Variants in SEPTIN9 observed in about 807,000 individuals in gnomAD.
SEPTIN9 encodes the protein septin 9, also known as septin-9.
SEPTIN9 carries 13 observed loss-of-function variants against 56.6 expected under a neutral mutation model. The ratio of observed to expected loss-of-function variants is 0.23; its 90% CI spans 0.15 to 0.37. The LOEUF (loss-of-function observed/expected upper bound fraction) is 0.37. SEPTIN9 is among the 10% of genes least tolerant of loss of function. SEPTIN9 has a pLI of 1.00. For missense variants in SEPTIN9, 650 were observed against 823.1 expected, an observed-to-expected ratio of 0.79 and a Z score of 2.57; for synonymous variants, 332 against 334.1, an observed-to-expected ratio of 0.99 and a Z score of 0.07.
intron 2 of SEPTIN9, among the ~76,000 whole-genome samples, chr17:77,370,158 G>A (rs753403): frequency 0.19 from 28,246 of 152,184 alleles, 3,210 homozygotes; most frequent in East Asian, 0.61. Context: ...AACAACTGTC[G>A]AAACTGGGTG....
chr17:77,417,872 T>C (rs312909), intron 3 of SEPTIN9, among the ~76,000 whole-genome samples: 56,393 of 151,968 alleles, frequency 0.37, 10,956 homozygotes, highest in African/African-American at 0.42. Context: ...TTGCTCGGGG[T>C]TGGGGCACCT....
chr17:77,291,591 CA>C (rs1444693518), intron 1 of SEPTIN9, among the ~76,000 whole-genome samples: 1 of 151,990 alleles, frequency 6.6e-6, no homozygotes, highest in Non-Finnish European at 1.5e-5. Flanking sequence ...GAGATCGTGC[CA>C]CGGCACTCCA....
chr17:77,489,882 G>A (rs556512048), intron 7 of SEPTIN9, among the ~76,000 whole-genome samples: 9 of 152,298 alleles, frequency 5.9e-5, no homozygotes, highest in African/African-American at 2.2e-4. Flanking sequence ...GCTCACCTGC[G>A]GTCCTGTGGC....
At chr17:77,452,925 TTTAGGCTGAGATGTGGTCAAGGA>T (rs2038041118) in intron 3 of SEPTIN9, among the ~76,000 whole-genome samples, 1 of 150,748 alleles carries the variant, frequency 6.6e-6, no homozygotes, top group Admixed American at 6.7e-5. Flanking sequence ...TTGGGTCTCT[TTTAGGCTGAGATGTGGTCAAGGA>T]AGGCCTGTGG....
At chr17:77,489,301 GC>G (rs1294264407) in intron 7 of SEPTIN9, among the ~76,000 whole-genome samples, 2 of 152,206 alleles carry the variant, frequency 1.3e-5, no homozygotes, top group African/African-American at 4.8e-5. Flanking sequence ...ATCAGTGCTG[GC>G]CCCTTCCAGG....
At chr17:77,300,715 CCCCAGGCTCAAACCGCCCCCA>C (rs2032003249) in intron 1 of SEPTIN9, among the ~76,000 whole-genome samples, 1 of 115,574 alleles carries the variant, frequency 8.7e-6, no homozygotes, top group African/African-American at 3.7e-5. Context: ...ACCGCCCCCA[CCCCAGGCTCAAACCGCCCCCA>C]TCCCAGCTCA....
intron 3 of SEPTIN9, among the ~76,000 whole-genome samples, chr17:77,467,821 G>T (rs1368030005): frequency 1.3e-5 from 2 of 152,234 alleles, no homozygotes; most frequent in Non-Finnish European, 2.9e-5. Context: ...AGAGACGAGG[G>T]GCCGGACGAA....
Position 77,498,762 on chromosome 17 carries a change from C to T in SEPTIN9, c.*104C>T. ...ATTTTATATGATTTTCTCCATTTGT[C>T]ATCGTTCCCCACCCCTTCGACATGC... is the stretch of plus-strand genomic sequence containing the variant. On this transcript the variant is annotated 3_prime_UTR_variant, in exon 12 of 12. Transcript: ENST00000427177. 1 of 652,552 alleles carries T rather than the reference C, an allele frequency of 1.5e-6. No individual in the cohort carries two copies. Among genetic ancestry groups the T allele is most frequent in the Non-Finnish European group, 2.6e-6 (1 of 390,540 alleles). The allele number at this position is 652,552 out of a possible 1,614,324, so 40.4% of individuals were successfully genotyped here. A position where few individuals can be genotyped will look rare whatever the true frequency, so the allele number is the denominator to read the frequency against.
At chr17:77,354,948 C>G (rs767054098) in intron 2 of SEPTIN9, among the ~76,000 whole-genome samples, 12 of 152,030 alleles carry the variant, frequency 7.9e-5, no homozygotes, top group Non-Finnish European at 1.6e-4. Context: ...GTCACTTGCC[C>G]GGGCTCCCCC....
rs577131369 is a variant in SEPTIN9 at position 77,346,278 on chromosome 17, C to CTTTTTTTTTTTTTTTTTT, written c.76+39093_76+39110dup. ...AGATTCTTAAAGCAGATCCTTAGGT[C>CTTTTTTTTTTTTTTTTTT]TTTTTTTTTTTTTTTTTTTTTTTTT... On this transcript the variant is annotated intron_variant, in intron 2 of 11. Transcript: ENST00000427177. 7.3e-4 allele frequency among the ~76,000 whole-genome samples: 34 copies of CTTTTTTTTTTTTTTTTTT among 46,320 alleles called. 2 individuals are homozygous for CTTTTTTTTTTTTTTTTTT. Among genetic ancestry groups the CTTTTTTTTTTTTTTTTTT allele is most frequent in the Non-Finnish European group, 9.1e-4 (23 of 25,282 alleles). 30.4% of individuals were successfully genotyped at this position (46,320 alleles called of 152,430 possible).
Position 77,434,877 on chromosome 17 carries a change from A to G in SEPTIN9, c.721+32174A>G, listed in dbSNP as rs145624144. Among the ~76,000 whole-genome samples, 185 of 152,218 alleles carry G rather than the reference A, an allele frequency of 1.2e-3. No individual in the cohort carries two copies. Among genetic ancestry groups the G allele is most frequent in the Non-Finnish European group, 2.2e-3 (148 of 68,004 alleles). ...AGAGTGAACTTCAGCTGTTGTTGCC[A>G]TAGCTGGAGGGAAGAGGGGAAAGGA... On this transcript the variant is annotated intron_variant, in intron 3 of 11. Coordinates refer to ENST00000427177, the MANE Select transcript of SEPTIN9 (RefSeq NM_001113491.2). This position sits in a 1 kb window ranked among gnomAD's most constrained non-coding sequence, Gnocchi z 5.0.
intron 2 of SEPTIN9, 87 bp downstream of exon 2, chr17:77,307,284 C>T (rs1179857494): frequency 1.6e-6 from 2 of 1,236,968 alleles, no homozygotes; most frequent in East Asian, 2.3e-5. Flanking sequence ...GACCTGCCTC[C>T]CCACCTGGCT....
chr17:77,413,364 A>G (rs2036373246), intron 3 of SEPTIN9, among the ~76,000 whole-genome samples: 1 of 152,090 alleles, frequency 6.6e-6, no homozygotes, highest in African/African-American at 2.4e-5. Context: ...CTTTCTTCTT[A>G]AAATTCATTA....
chr17:77,475,799 A>G lies in SEPTIN9; in HGVS notation c.722-6345A>G. ...AGGCTGACAGGGTGTGGTGAGTGCC[A>G]CCGGCTCCCCTGCCGTGGCCTGGTC... On this transcript the variant is annotated intron_variant, in intron 3 of 11. Transcript: ENST00000427177. The surrounding 1 kb of genome is among the most constrained non-coding windows in gnomAD (Gnocchi z 4.6). 1 of 1,613,438 alleles carries G rather than the reference A, an allele frequency of 6.2e-7. No individual in the cohort carries two copies. Among genetic ancestry groups the G allele is most frequent in the Non-Finnish European group, 8.5e-7 (1 of 1,179,884 alleles).
intron 2 of SEPTIN9, among the ~76,000 whole-genome samples, chr17:77,397,893 C>T (rs1044604759): frequency 1.9e-4 from 29 of 152,034 alleles, no homozygotes; most frequent in African/African-American, 4.8e-4. Flanking sequence ...TCAGGTGATC[C>T]GCCTGCCTTG....
In SEPTIN9 at chr17:77,498,672, C is replaced by CCCCCCCCGGGGCCCCCCCCCCA; in HGVS notation, c.*14_*15insCCCCCCCGGGGCCCCCCCCCCA. 6.4e-7 allele frequency: 1 copy of CCCCCCCCGGGGCCCCCCCCCCA among 1,550,432 alleles called. No individual in the cohort carries two copies. Among genetic ancestry groups the CCCCCCCCGGGGCCCCCCCCCCA allele is most frequent in the East Asian group, 2.4e-5 (1 of 42,358 alleles). On this transcript the variant is annotated 3_prime_UTR_variant, in exon 12 of 12. Transcript: ENST00000427177. ...CCGGAGATGTAGACGCCACCCTGCCCACCCCCGGGATCCTGCCCCCAAGTC... is the reference window on the plus strand; with the variant it reads ...CCGGAGATGTAGACGCCACCCTGCCCCCCCCCCGGGGCCCCCCCCCCAACCCCCGGGATCCTGCCCCCAAGTC...
intron 2 of SEPTIN9, among the ~76,000 whole-genome samples, chr17:77,345,195 T>G (rs1486713704): frequency 6.6e-6 from 1 of 152,034 alleles, no homozygotes; most frequent in Non-Finnish European, 1.5e-5. Flanking sequence ...TGGTGTTTAA[T>G]GGGGATAGAA....
At chr17:77,362,837 C>T (rs926125539) in intron 2 of SEPTIN9, among the ~76,000 whole-genome samples, 3 of 152,176 alleles carry the variant, frequency 2.0e-5, no homozygotes, top group Non-Finnish European at 2.9e-5. Context: ...CTTCATCTGA[C>T]GATCCCAGGA....
Position 77,337,968 on chromosome 17 carries a change from G to A in SEPTIN9, c.76+30771G>A, listed in dbSNP as rs541468768. On this transcript the variant is annotated intron_variant, in intron 2 of 11. Coordinates refer to ENST00000427177, the MANE Select transcript of SEPTIN9 (RefSeq NM_001113491.2). Reference sequence around the variant, plus strand: ...TCCTAGCCCTTTGGGAGGCCAAGGTGGGCGGATCATTTGAGGTTAGGAGTT... The same window carrying A: ...TCCTAGCCCTTTGGGAGGCCAAGGTAGGCGGATCATTTGAGGTTAGGAGTT... Among the ~76,000 whole-genome samples the A allele has an allele frequency of 6.6e-5, 10 of 152,272 alleles. No homozygotes were observed. The South Asian group carries it at 1.9e-3, about 28-fold the overall frequency.
Sources: allele counts gnomAD v4.1 joint callset (sites outside exome capture counted in the v4.1 genomes callset), GRCh38; gene constraint gnomAD v4.1.1; non-coding constraint Gnocchi (gnomAD v3.1); transcripts MANE v1.5; gene names NCBI Gene and HGNC (gene_info 2026-07-23, HGNC 2026-07-21).